Variants in PI16 observed in about 807,000 individuals in gnomAD.
The protein encoded by PI16 is peptidase inhibitor 16.
A neutral mutation model predicts 38.0 loss-of-function variants in PI16; 35 were observed. The observed-to-expected ratio is 0.92, with a 90% CI of 0.70 to 1.22. The LOEUF (loss-of-function observed/expected upper bound fraction) is 1.22. Ranked by LOEUF, PI16 falls within the 50% of genes most tolerant of loss-of-function variation. The pLI is 0.00. For missense variants in PI16, 572 were observed against 593.8 expected (o/e 0.96, Z 0.38); for synonymous variants, 275 against 252.9 (o/e 1.09, Z -0.83).
chr6:36,963,034 G>A lies in PI16; in HGVS notation c.692G>A (p.Gly231Asp), dbSNP rs908718134. 1 of 1,614,204 alleles carries A rather than the reference G, an allele frequency of 6.2e-7. No individual in the cohort carries two copies. Among genetic ancestry groups the A allele is most frequent in the Non-Finnish European group, 8.5e-7 (1 of 1,180,022 alleles). Residue 231 changes from glycine to aspartate, a missense_variant, in exon 5 of 7, where the codon GGT (glycine) becomes GAT (aspartate). By Grantham distance (94) the Gly-to-Asp change is moderately conservative. Transcript: ENST00000373674. Reference sequence around the variant, plus strand: ...GAAGCATCAGACTCTAGGAAAATGGGTACTCCTTCTTCCCTAGCAACGGGG... The same window carrying A: ...GAAGCATCAGACTCTAGGAAAATGGATACTCCTTCTTCCCTAGCAACGGGG... ...ATEASDSRKM[G>D]TPSSLATGIP...
chr6:36,959,184 G>T lies in PI16; in HGVS notation c.211G>T (p.Ala71Ser), dbSNP rs774840007. ...GCTGGCCGCCTTCGCCAAGGCCTAC[G>T]CACGGCAGTGCGTGTGGGGCCACAA... The part of the protein sequence containing the change: ...EELAAFAKAY[A>S]RQCVWGHNKE... Residue 71 changes from alanine to serine, a missense_variant, in exon 2 of 7, where the codon GCA (alanine) becomes TCA (serine). Coordinates refer to ENST00000373674, the MANE Select transcript of PI16 (RefSeq NM_153370.3). 8 of 1,610,900 alleles carry T rather than the reference G, an allele frequency of 5.0e-6. No homozygotes were observed. Among genetic ancestry groups the T allele is most frequent in the African/African-American group, 2.7e-5 (2 of 74,910 alleles).
At chr6:36,950,617 C>G (rs1263497951), upstream of PI16, among the ~76,000 whole-genome samples, 1 of 151,716 alleles carries the variant, frequency 6.6e-6, no homozygotes, top group African/African-American at 2.4e-5. This position sits in a 1 kb window ranked among gnomAD's most constrained non-coding sequence, Gnocchi z 4.2. Flanking sequence ...GATCTCGGCT[C>G]ACCGCAACCT....
Position 36,961,911 on chromosome 6 carries a change from T to C in PI16, c.529T>C (p.Tyr177His). The C allele has an allele frequency of 2.5e-6, 4 of 1,614,064 alleles. No individual in the cohort carries two copies. Among genetic ancestry groups the C allele is most frequent in the Middle Eastern group, 1.6e-4 (1 of 6,062 alleles). ...PPGNVKGKRP[Y>H]QEGTPCSQCP... ...GGGGAACGTGAAGGGGAAACGGCCC[T>C]ACCAGGAGGGGACTCCGTGCTCCCA... is the stretch of plus-strand genomic sequence containing the variant. The change falls in exon 4 of 7, where the codon TAC becomes CAC. Residue 177 changes from tyrosine to histidine, a missense_variant. Physicochemically the swap from Tyr to His is moderately conservative, Grantham distance 83. Coordinates refer to ENST00000373674, the MANE Select transcript of PI16 (RefSeq NM_153370.3).
rs1384359909 is a variant in PI16, at chr6:36,959,234, G to A, written c.261G>A (p.Glu87=). The change falls in exon 2 of 7, where the codon GAG becomes GAA. Residue 87 remains glutamate (E), a synonymous_variant. Coordinates refer to ENST00000373674, the MANE Select transcript of PI16 (RefSeq NM_153370.3). ...ACAAGGAGCGCGGGCGCCGCGGCGA[G>A]AATCTGTTCGCCATCACAGACGAGG... ...GHNKERGRRG[E]NLFAITDEGM... is the part of the protein sequence containing the mutation. 3.7e-6 allele frequency: 6 copies of A among 1,609,292 alleles called. No individual in the cohort carries two copies. In the South Asian group the frequency reaches 5.5e-5, roughly 15 times the overall value.
chr6:36,959,402 G>C (rs1478827076), intron 2 of PI16, 36 bp downstream of exon 2: 2 of 1,521,306 alleles, frequency 1.3e-6, no homozygotes, highest in Non-Finnish European at 1.8e-6. Flanking sequence ...GCGGAGCCTC[G>C]CGGCGTGGGG....
chr6:36,959,284 A>G lies in PI16; in HGVS notation c.311A>G (p.Glu104Gly). The G allele has an allele frequency of 1.9e-6, 3 of 1,598,038 alleles. No homozygotes were observed. Among genetic ancestry groups the G allele is most frequent in the Non-Finnish European group, 2.6e-6 (3 of 1,172,942 alleles). Residue 104 changes from glutamate (E) to glycine (G), a missense_variant, in exon 2 of 7, where the codon GAG becomes GGG. By Grantham distance (98) the Glu-to-Gly change is moderately conservative. Transcript: ENST00000373674. ...GGCATGGACGTGCCGCTGGCCATGG[A>G]GGAGTGGCACCACGAGCGTGAGCAC... is the stretch of plus-strand genomic sequence containing the variant. The part of the protein sequence containing the change: ...DEGMDVPLAM[E>G]EWHHEREHYN...
At chr6:36,951,068 G>A (rs1763091783), upstream of PI16, among the ~76,000 whole-genome samples, 1 of 152,182 alleles carries the variant, frequency 6.6e-6, no homozygotes, top group Non-Finnish European at 1.5e-5. Flanking sequence ...CCATCCTAAT[G>A]AGTGTGAAGT....
At chr6:36,958,978 C>T (rs1279714678) in intron 1 of PI16, among the ~76,000 whole-genome samples, 167 bp from the exon 2 acceptor site, 2 of 152,126 alleles carry the variant, frequency 1.3e-5, no homozygotes, top group Non-Finnish European at 2.9e-5. Context: ...CATCCTTCAC[C>T]GCCCCACAGA....
In PI16 at chr6:36,961,877, C is replaced by T. The variant is rs144897670; in HGVS notation, c.504-9C>T. On this transcript the variant is annotated splice_polypyrimidine_tract_variant and intron_variant, in intron 3 of 6. Transcript: ENST00000373674. ...CCCCTCCCCGCAGCATCCTCCTGACCTCCTGTAGGGGGAACGTGAAGGGGA... is the reference window on the plus strand; with the variant it reads ...CCCCTCCCCGCAGCATCCTCCTGACTTCCTGTAGGGGGAACGTGAAGGGGA... 4.3e-4 allele frequency: 700 copies of T among 1,612,006 alleles called. 6 individuals carry two copies. In the East Asian group the frequency reaches 0.011, roughly 24 times the overall value.
At position 36,962,284 on chromosome 6, in the gene PI16, A is replaced by G. The variant is rs1320073098; in HGVS notation, c.592+310A>G. ...GTCTCGAGGAGCGGGCTGGGGCCAGACCGGTGGGCGTGGTCAGAAGGCTTC... is the reference window on the plus strand; with the variant it reads ...GTCTCGAGGAGCGGGCTGGGGCCAGGCCGGTGGGCGTGGTCAGAAGGCTTC... On this transcript the variant is annotated intron_variant, in intron 4 of 6. Transcript: ENST00000373674. The surrounding 1 kb of genome is among the most constrained non-coding windows in gnomAD (Gnocchi z 4.1). Among the ~76,000 whole-genome samples, 1 of 152,112 alleles carries G rather than the reference A, an allele frequency of 6.6e-6. No homozygotes were observed. The highest frequency in any genetic ancestry group is 1.5e-5 in the Non-Finnish European group (1 of 68,008).
chr6:36,959,965 A>G (rs1763314749), intron 2 of PI16, among the ~76,000 whole-genome samples: 1 of 152,054 alleles, frequency 6.6e-6, no homozygotes, highest in Admixed American at 6.5e-5. Flanking sequence ...TTTATGGACC[A>G]TGGTTATTGT....
intron 1 of PI16, 72 bp downstream of exon 1, chr6:36,955,003 T>C: frequency 6.6e-7 from 1 of 1,511,616 alleles, no homozygotes; most frequent in Non-Finnish European, 8.8e-7. Flanking sequence ...CAGGCTCTCT[T>C]ACCCTGCTCC....
intron 1 of PI16, among the ~76,000 whole-genome samples, chr6:36,955,589 T>C (rs1441045749): frequency 6.6e-6 from 1 of 152,162 alleles, no homozygotes; most frequent in Non-Finnish European, 1.5e-5. Context: ...GAGCTACGTA[T>C]ATACCAGTGT....
chr6:36,952,971 T>C (rs1236415398), upstream of PI16, among the ~76,000 whole-genome samples: 1 of 152,212 alleles, frequency 6.6e-6, no homozygotes, highest in Non-Finnish European at 1.5e-5. Context: ...TCTTTCACTT[T>C]GTTTGTCAAC....
chr6:36,951,804 G>A (rs1763104212), upstream of PI16, among the ~76,000 whole-genome samples: 1 of 152,040 alleles, frequency 6.6e-6, no homozygotes, highest in African/African-American at 2.4e-5. Flanking sequence ...GGAGGCTGAG[G>A]TGGGAGAACC....
chr6:36,961,929 T>C lies in PI16; in HGVS notation c.547T>C (p.Cys183Arg). Residue 183 changes from cysteine (C) to arginine (R), a missense_variant, in exon 4 of 7, where the codon TGC (cysteine) becomes CGC (arginine). By Grantham distance (180) the Cys-to-Arg change is radical. Transcript: ENST00000373674. ...GKRPYQEGTP[C>R]SQCPSGYHCK... Reference sequence around the variant, plus strand: ...ACGGCCCTACCAGGAGGGGACTCCGTGCTCCCAATGTCCCTCTGGCTACCA... The same window carrying C: ...ACGGCCCTACCAGGAGGGGACTCCGCGCTCCCAATGTCCCTCTGGCTACCA... 2 of 1,614,140 alleles carry C rather than the reference T, an allele frequency of 1.2e-6. No individual in the cohort carries two copies. The highest frequency in any genetic ancestry group is 1.3e-5 in the African/African-American group (1 of 75,028).
rs1478454089 is a variant in PI16, at chr6:36,955,007, C to T, written c.171+76C>T. 4.0e-6 allele frequency: 6 copies of T among 1,500,432 alleles called. No homozygotes were observed. The South Asian group carries it at 7.9e-5, about 20-fold the overall frequency. The allele number at this position is 1,500,432 out of a possible 1,614,324, so 92.9% of individuals were successfully genotyped here. A position where few individuals can be genotyped will look rare whatever the true frequency, so the allele number is the denominator to read the frequency against. The stretch of plus-strand genomic sequence containing the variant: ...GGGTCTGTCACCAGGCTCTCTTACC[C>T]TGCTCCTCATGCTGAAGCTATTTCA... On this transcript the variant is annotated intron_variant, in intron 1 of 6. Coordinates refer to ENST00000373674, the MANE Select transcript of PI16 (RefSeq NM_153370.3).
chr6:36,948,610 CT>C (rs970395067), intron 1 of PI16, among the ~76,000 whole-genome samples: 43 of 134,170 alleles, frequency 3.2e-4, no homozygotes, highest in Middle Eastern at 3.8e-3. Flanking sequence ...GTGTTTCTTT[CT>C]TTTTTTTTTT....
At chr6:36,956,268 C>T (rs538550013) in intron 1 of PI16, among the ~76,000 whole-genome samples, 110 of 152,318 alleles carry the variant, frequency 7.2e-4, no homozygotes, top group African/African-American at 2.4e-3. Flanking sequence ...ACAAACCAGG[C>T]GTCACAGATG....
Sources: allele counts gnomAD v4.1 joint callset (sites outside exome capture counted in the v4.1 genomes callset), GRCh38; gene constraint gnomAD v4.1.1; non-coding constraint Gnocchi (gnomAD v3.1); transcripts MANE v1.5; gene names NCBI Gene and HGNC (gene_info 2026-07-23, HGNC 2026-07-21).